ETV5: variants seen among roughly 807,000 people sequenced by gnomAD.
ETV5 encodes the protein ETS translocation variant 5.
In ETV5, 10 loss-of-function variants were observed where a neutral mutation model predicts 70.0. The ratio of observed to expected loss-of-function variants is 0.14; its 90% CI spans 0.09 to 0.24. The LOEUF is 0.24. ETV5 is among the 10% of genes least tolerant of loss of function. The probability of loss-of-function intolerance (pLI) is 1.00; values close to 1 mark genes in which losing one functional copy is unlikely to be tolerated. For synonymous variants in ETV5, 216 were observed against 242.2 expected, an observed-to-expected ratio of 0.89 and a Z score of 1.01; for missense variants, 453 against 651.2, an observed-to-expected ratio of 0.70 and a Z score of 3.31.
chr3:186,085,149 C>T (rs148509731), intron 5 of ETV5, among the ~76,000 whole-genome samples: 1 of 145,432 alleles, frequency 6.9e-6, no homozygotes, highest in Non-Finnish European at 1.5e-5. Flanking sequence ...TCACTTGCCA[C>T]GTCTCACAGC....
chr3:186,077,712 C>T (rs937862588), intron 7 of ETV5, among the ~76,000 whole-genome samples: 4 of 152,192 alleles, frequency 2.6e-5, no homozygotes, highest in African/African-American at 9.7e-5. Flanking sequence ...TGAAAATCCC[C>T]GCTCCACACT....
At chr3:186,075,706 T>C (rs767700755) in intron 7 of ETV5, among the ~76,000 whole-genome samples, 2 of 152,242 alleles carry the variant, frequency 1.3e-5, no homozygotes, top group Non-Finnish European at 2.9e-5. Flanking sequence ...CATTTTGTTC[T>C]GTCAATTACA....
intron 7 of ETV5, chr3:186,078,132 A>AC (rs1713842305): frequency 9.5e-7 from 1 of 1,051,640 alleles, no homozygotes; most frequent in South Asian, 4.6e-5. Context: ...GACTGGGGCT[A>AC]CCCATCTCCC....
chr3:186,097,815 A>T (rs1714340794), intron 5 of ETV5, among the ~76,000 whole-genome samples: 1 of 152,246 alleles, frequency 6.6e-6, no homozygotes, highest in Admixed American at 6.5e-5. Context: ...GCTGCCAATC[A>T]CAAGCATATT....
At chr3:186,108,163 C>A (rs1264535447) in intron 1 of ETV5, among the ~76,000 whole-genome samples, 1 of 149,318 alleles carries the variant, frequency 6.7e-6, no homozygotes, top group Admixed American at 6.6e-5. Context: ...CCTCGTCGAC[C>A]AGGAGTTCGG....
Position 186,048,540 on chromosome 3 carries a change from G to T in ETV5, c.*99C>A. 1.8e-6 allele frequency: 2 copies of T among 1,118,106 alleles called. No homozygotes were observed. The highest frequency in any genetic ancestry group is 2.7e-6 in the Non-Finnish European group (2 of 751,872). 69.3% of individuals were successfully genotyped at this position (1,118,106 alleles called of 1,614,324 possible). On this transcript the variant is annotated 3_prime_UTR_variant, in exon 13 of 13. Coordinates refer to ENST00000306376, the MANE Select transcript of ETV5 (RefSeq NM_004454.3). ...TCTCCAGATAATACTCAAAGGGCAA[G>T]CTTTAGGAACAACCAAAAACACAAA...
At position 186,049,858 on chromosome 3, in the gene ETV5, A is replaced by G. The variant is rs536811648; in HGVS notation, c.1312-998T>C. Among the ~76,000 whole-genome samples the G allele has an allele frequency of 4.6e-3, 699 of 152,318 alleles. 6 individuals are homozygous for G. The highest frequency in any genetic ancestry group is 0.015 in the African/African-American group (629 of 41,562). The stretch of plus-strand genomic sequence containing the variant: ...GTGTGGGAGAGTGAGGCAGGAGAGC[A>G]CAGTGGAAATAATCCTAGATCAGAA... On this transcript the variant is annotated intron_variant, in intron 12 of 12. Transcript: ENST00000306376.
At chr3:186,095,532 G>T (rs1317428937) in intron 5 of ETV5, among the ~76,000 whole-genome samples, 3 of 152,188 alleles carry the variant, frequency 2.0e-5, no homozygotes, top group Non-Finnish European at 4.4e-5. Context: ...CTAGGGAAAT[G>T]AGTTTCTTCC....
intron 5 of ETV5, among the ~76,000 whole-genome samples, chr3:186,088,690 CAA>C (rs1031489031): frequency 1.2e-4 from 18 of 152,128 alleles, no homozygotes; most frequent in African/African-American, 4.1e-4. Flanking sequence ...AGGACACTGG[CAA>C]AACAGAACCG....
chr3:186,058,834 T>G (rs1010079518), intron 9 of ETV5, among the ~76,000 whole-genome samples: 2 of 151,782 alleles, frequency 1.3e-5, no homozygotes, highest in African/African-American at 4.8e-5. Flanking sequence ...GCCAACATGG[T>G]GAAACCATCT....
chr3:186,105,770 A>G lies in ETV5; in HGVS notation c.45+54T>C. On this transcript the variant is annotated intron_variant, in intron 2 of 12. Transcript: ENST00000306376. This position sits in a 1 kb window ranked among gnomAD's most constrained non-coding sequence, Gnocchi z 4.5. ...GTGTAGTAAAGAGGTCCACAGGGGG[A>G]AGACTCATATTGGAGAGGGAGGACA... is the stretch of plus-strand genomic sequence containing the variant. 1 of 1,610,966 alleles carries G rather than the reference A, an allele frequency of 6.2e-7. No individual in the cohort carries two copies.
chr3:186,069,264 AG>A (rs1420271575), intron 7 of ETV5, among the ~76,000 whole-genome samples: 1 of 152,254 alleles, frequency 6.6e-6, no homozygotes, highest in Non-Finnish European at 1.5e-5. Flanking sequence ...CAAAAGCCTC[AG>A]AATCCACCTG....
At chr3:186,107,465 A>G (rs778870430) in intron 1 of ETV5, among the ~76,000 whole-genome samples, 27 of 152,184 alleles carry the variant, frequency 1.8e-4, no homozygotes, top group Non-Finnish European at 3.2e-4. Flanking sequence ...GGAGGGGGAG[A>G]TATTTTTCAG....
chr3:186,086,098 C>T (rs946301882), intron 5 of ETV5, among the ~76,000 whole-genome samples: 2 of 152,148 alleles, frequency 1.3e-5, no homozygotes, highest in African/African-American at 2.4e-5. Context: ...TGTCTGGACC[C>T]CTATTTGACT....
chr3:186,102,467 T>C (rs1714482252), intron 5 of ETV5, among the ~76,000 whole-genome samples: 1 of 151,884 alleles, frequency 6.6e-6, no homozygotes, highest in Non-Finnish European at 1.5e-5. Context: ...GCCCCGTCTC[T>C]ACTAAAAATA....
chr3:186,090,373 C>T (rs1046146009), intron 5 of ETV5, among the ~76,000 whole-genome samples: 3 of 152,210 alleles, frequency 2.0e-5, no homozygotes, highest in Non-Finnish European at 4.4e-5. Context: ...AAAATAAAAA[C>T]AGCCACTGCT....
intron 5 of ETV5, among the ~76,000 whole-genome samples, chr3:186,100,255 C>G (rs1714420795): frequency 6.6e-6 from 1 of 152,184 alleles, no homozygotes; most frequent in Admixed American, 6.5e-5. Context: ...ACTACTGATT[C>G]CTGAAAAGTA....
At chr3:186,073,047 G>A (rs1420193345) in intron 7 of ETV5, among the ~76,000 whole-genome samples, 1 of 152,094 alleles carries the variant, frequency 6.6e-6, no homozygotes. Flanking sequence ...CAGGAGAATC[G>A]TTTGAACTCG....
At position 186,105,753 on chromosome 3, in the gene ETV5, A is replaced by G; in HGVS notation, c.46-41T>C. ...AGAAAGTGAAGGCTCAAGTGTAGTA[A>G]AGAGGTCCACAGGGGGAAGACTCAT... is the stretch of plus-strand genomic sequence containing the variant. On this transcript the variant is annotated intron_variant, in intron 2 of 12. Transcript: ENST00000306376. The surrounding 1 kb of genome is among the most constrained non-coding windows in gnomAD (Gnocchi z 4.5). 6.2e-7 allele frequency: 1 copy of G among 1,613,088 alleles called. No homozygotes were observed. Among genetic ancestry groups the G allele is most frequent in the East Asian group, 2.2e-5 (1 of 44,884 alleles).
Sources: allele counts gnomAD v4.1 joint callset (sites outside exome capture counted in the v4.1 genomes callset), GRCh38; gene constraint gnomAD v4.1.1; non-coding constraint Gnocchi (gnomAD v3.1); transcripts MANE v1.5; gene names NCBI Gene and HGNC (gene_info 2026-07-23, HGNC 2026-07-21).